Variants in NAV2 observed in about 807,000 individuals in gnomAD.
NAV2 encodes neuron navigator 2, also known as helicase, APC down-regulated 1.
In NAV2, 54 loss-of-function variants were observed where a neutral mutation model predicts 223.2. The observed-to-expected ratio is 0.24, with a 90% CI of 0.19 to 0.30. The LOEUF (loss-of-function observed/expected upper bound fraction) is 0.30, where lower values mean the gene tolerates loss of function less well. Among genes scored for constraint, NAV2 ranks in the 10% least tolerant of loss-of-function variants. NAV2 has a pLI of 1.00. For synonymous variants in NAV2, 1,279 were observed against 1,239.3 expected (o/e 1.03, Z -0.67); for missense variants, 2,806 against 3,147.5 (o/e 0.89, Z 2.60).
intron 30 of NAV2, 24 bp from the exon 31 acceptor site, chr11:20,097,553 G>A: frequency 1.9e-6 from 3 of 1,553,118 alleles, no homozygotes; most frequent in Non-Finnish European, 2.6e-6. Flanking sequence ...CTTTGATGGG[G>A]TCTTTATTTT....
Position 19,893,678 on chromosome 11 carries a change from G to T in NAV2, c.931+1084G>T, listed in dbSNP as rs576355533. Among the ~76,000 whole-genome samples the T allele has an allele frequency of 3.3e-5, 5 of 152,308 alleles. No individual in the cohort carries two copies. The South Asian group carries it at 8.3e-4, about 25-fold the overall frequency. ...GGGCTGACAGATGTGTATGGAGAAA[G>T]GTTTCCCAGCCAAGGCACTGGGAAC... On this transcript the variant is annotated intron_variant, in intron 6 of 37. Coordinates refer to ENST00000349880, the MANE Select transcript of NAV2 (RefSeq NM_145117.5).
At chr11:19,986,927 T>C (rs77416724) in intron 11 of NAV2, among the ~76,000 whole-genome samples, 1,956 of 152,356 alleles carry the variant, frequency 0.013, 49 homozygotes, top group African/African-American at 0.045. Context: ...AGTTACAAAA[T>C]CTATATTCTA....
rs143351668 is a variant in NAV2, at chr11:19,841,590, G to A, written c.386-1281G>A. 6.7e-3 allele frequency among the ~76,000 whole-genome samples: 1,016 copies of A among 152,260 alleles called. 7 individuals are homozygous for A. The highest frequency in any genetic ancestry group is 8.1e-3 in the Non-Finnish European group (549 of 68,026). On this transcript the variant is annotated intron_variant, in intron 2 of 37. Coordinates refer to ENST00000349880, the MANE Select transcript of NAV2 (RefSeq NM_145117.5). ...ATATTTTGGGGAAACAAGAAAAGGA[G>A]GAATTATGTATTGGATGATTAAGAA...
intron 1 of NAV2, among the ~76,000 whole-genome samples, chr11:19,594,906 A>C (rs1447543402): frequency 1.3e-5 from 2 of 152,232 alleles, no homozygotes; most frequent in Non-Finnish European, 2.9e-5. Flanking sequence ...TCTCAAGATG[A>C]ACGTGATTAG....
chr11:19,473,580 A>G (rs952204254), intron 1 of NAV2, among the ~76,000 whole-genome samples: 1 of 151,982 alleles, frequency 6.6e-6, no homozygotes, highest in African/African-American at 2.4e-5. Flanking sequence ...GAAGTTTTTC[A>G]CCTTTCTGCC....
chr11:20,078,059 G>A lies in NAV2; in HGVS notation c.5134G>A (p.Ala1712Thr). 1 of 1,613,460 alleles carries A rather than the reference G, an allele frequency of 6.2e-7. No homozygotes were observed. Among genetic ancestry groups the A allele is most frequent in the Non-Finnish European group, 8.5e-7 (1 of 1,179,874 alleles). The change falls in exon 24 of 38, where the codon GCT (alanine) becomes ACT (threonine). Residue 1712 changes from alanine (A) to threonine (T), a missense_variant. By Grantham distance (58) the Ala-to-Thr change is moderately conservative. Transcript: ENST00000349880. ...AAAGAAACAGAACGCAGCTGCCCAG[G>A]CTGCCATTAATGGAGTAATTAACAC... The part of the protein sequence containing the change: ...LLKKQNAAAQ[A>T]AINGVINTPE...
chr11:20,074,456 G>A (rs183244110), intron 22 of NAV2, among the ~76,000 whole-genome samples: 19 of 152,268 alleles, frequency 1.2e-4, no homozygotes, highest in African/African-American at 4.6e-4. Flanking sequence ...GGTGTGCTTG[G>A]TCCAGAGATG....
intron 1 of NAV2, among the ~76,000 whole-genome samples, chr11:19,678,908 C>G (rs1173131218): frequency 1.3e-5 from 2 of 152,130 alleles, no homozygotes; most frequent in African/African-American, 2.4e-5. Context: ...CAGAATTTCC[C>G]ACCACCTCCA....
intron 4 of NAV2, among the ~76,000 whole-genome samples, chr11:19,877,470 C>CTTTTTTTTTTTTTCCTTTTTTCTTTTCT (rs1555114910): frequency 1.2e-5 from 1 of 82,622 alleles, no homozygotes. Flanking sequence ...TATCTTCATT[C>CTTTTTTTTTTTTTCCTTTTTTCTTTTCT]TTTTTTTTTT....
chr11:19,388,179 T>C (rs76909317), intron 1 of NAV2, among the ~76,000 whole-genome samples: 7,979 of 152,300 alleles, frequency 0.052, 681 homozygotes, highest in African/African-American at 0.18. Context: ...TTAGAAACAA[T>C]GTGCGAATCT....
intron 22 of NAV2, among the ~76,000 whole-genome samples, chr11:20,073,846 G>C (rs2059557656): frequency 1.3e-5 from 2 of 152,050 alleles, no homozygotes; most frequent in South Asian, 4.1e-4. Flanking sequence ...TATTAGTCTG[G>C]CTAGCAGTCT....
chr11:19,738,235 TC>T (rs376272815), intron 1 of NAV2, among the ~76,000 whole-genome samples: 8 of 152,116 alleles, frequency 5.3e-5, no homozygotes, highest in African/African-American at 1.9e-4. Context: ...TGCCCCAGAG[TC>T]GGGTCCCTTT....
chr11:19,730,015 G>A (rs577495385), intron 1 of NAV2, among the ~76,000 whole-genome samples: 4 of 152,194 alleles, frequency 2.6e-5, no homozygotes, highest in Non-Finnish European at 5.9e-5. Flanking sequence ...TTTTACAGAT[G>A]AAGAAAGAGA....
intron 1 of NAV2, among the ~76,000 whole-genome samples, chr11:19,407,471 G>A (rs1274446375): frequency 6.6e-6 from 1 of 152,224 alleles, no homozygotes; most frequent in Non-Finnish European, 1.5e-5. Flanking sequence ...TGGAATACAG[G>A]TGGGAGCAGA....
At chr11:20,049,969 G>T in intron 16 of NAV2, 68 bp downstream of exon 16, 1 of 1,497,678 alleles carries the variant, frequency 6.7e-7, no homozygotes, top group Non-Finnish European at 9.3e-7. Flanking sequence ...TGTCAAGCCA[G>T]ATGTCTTGTG....
intron 2 of NAV2, among the ~76,000 whole-genome samples, chr11:19,840,554 C>G (rs962498220): frequency 6.6e-6 from 1 of 152,134 alleles, no homozygotes; most frequent in Non-Finnish European, 1.5e-5. Flanking sequence ...TGGAAGACAC[C>G]TTGACTGGCC....
rs1361167477 is a variant in NAV2, at chr11:19,787,675, C to T, written c.268-44809C>T. Among the ~76,000 whole-genome samples, 5 of 152,170 alleles carry T rather than the reference C, an allele frequency of 3.3e-5. No homozygotes were observed. In the East Asian group the frequency reaches 9.7e-4, roughly 29 times the overall value. ...GTGTATGCGATAGCATGATAGTAAACTTAGAGAGGTGCTGGAAAAGTTACC... is the reference window on the plus strand; with the variant it reads ...GTGTATGCGATAGCATGATAGTAAATTTAGAGAGGTGCTGGAAAAGTTACC... On this transcript the variant is annotated intron_variant, in intron 1 of 37. Transcript: ENST00000349880.
chr11:19,920,084 T>C (rs2044150425), intron 6 of NAV2, among the ~76,000 whole-genome samples: 1 of 152,070 alleles, frequency 6.6e-6, no homozygotes, highest in African/African-American at 2.4e-5. Flanking sequence ...TAGTGAGCCA[T>C]GTTTGCACCA....
intron 1 of NAV2, among the ~76,000 whole-genome samples, chr11:19,579,660 T>A (rs771792165): frequency 1.3e-5 from 2 of 152,192 alleles, no homozygotes; most frequent in Non-Finnish European, 2.9e-5. Flanking sequence ...GTAAATGCAA[T>A]GATATGTGTT....
Sources: allele counts gnomAD v4.1 joint callset (sites outside exome capture counted in the v4.1 genomes callset), GRCh38; gene constraint gnomAD v4.1.1; transcripts MANE v1.5; gene names NCBI Gene and HGNC (gene_info 2026-07-23, HGNC 2026-07-21).